Variants in TNR observed in about 807,000 individuals in gnomAD.
The protein encoded by TNR is tenascin R.
A neutral mutation model predicts 150.4 loss-of-function variants in TNR; 45 were observed. That is an observed-to-expected ratio of 0.30 (90% CI 0.24 to 0.38). TNR has a LOEUF of 0.38. TNR is among the 10% of genes least tolerant of loss of function. The probability of loss-of-function intolerance (pLI) is 1.00; values close to 1 mark genes in which losing one functional copy is unlikely to be tolerated. For missense variants in TNR, 1,544 were observed against 1,759.1 expected, an observed-to-expected ratio of 0.88 and a Z score of 2.19; for synonymous variants, 687 against 678.4, an observed-to-expected ratio of 1.01 and a Z score of -0.20.
At position 175,713,235 on chromosome 1, in the gene TNR, T is replaced by G. The variant is rs144650985; in HGVS notation, c.-165+29991A>C. Reference sequence around the variant, plus strand: ...GTGGTTACACGTAAGAATCAAGTCTTGTAATTCTTTAAGTCCTGTGAGGAC... The same window carrying G: ...GTGGTTACACGTAAGAATCAAGTCTGGTAATTCTTTAAGTCCTGTGAGGAC... On this transcript the variant is annotated intron_variant, in intron 1 of 22. Coordinates refer to ENST00000367674, the MANE Select transcript of TNR (RefSeq NM_003285.3). Among the ~76,000 whole-genome samples, 142 of 152,322 alleles carry G rather than the reference T, an allele frequency of 9.3e-4. 1 individual carries two copies. Among genetic ancestry groups the G allele is most frequent in the African/African-American group, 3.3e-3 (138 of 41,562 alleles).
At chr1:175,586,874 A>G (rs1436735973) in intron 1 of TNR, among the ~76,000 whole-genome samples, 2 of 152,202 alleles carry the variant, frequency 1.3e-5, no homozygotes, top group Non-Finnish European at 1.5e-5. Context: ...AAGAGACCAA[A>G]GTTGTAGGGA....
At chr1:175,649,606 G>A (rs1021800395) in intron 1 of TNR, among the ~76,000 whole-genome samples, 2 of 152,100 alleles carry the variant, frequency 1.3e-5, no homozygotes, top group South Asian at 2.1e-4. Context: ...ACCAGGAGGT[G>A]AGCTTTCCAC....
intron 1 of TNR, among the ~76,000 whole-genome samples, chr1:175,543,955 A>G (rs370488219): frequency 4.5e-4 from 68 of 152,324 alleles, no homozygotes; most frequent in African/African-American, 1.6e-3. Context: ...GTGTGAGTAA[A>G]TACACAGAAA....
chr1:175,348,130 A>G (rs1408058204), intron 18 of TNR, among the ~76,000 whole-genome samples: 1 of 152,210 alleles, frequency 6.6e-6, no homozygotes. Context: ...TAGAAAATAT[A>G]TATTTTTAAG....
chr1:175,353,974 T>A (rs1192464745), intron 18 of TNR, among the ~76,000 whole-genome samples: 1 of 152,000 alleles, frequency 6.6e-6, no homozygotes, highest in Non-Finnish European at 1.5e-5. Flanking sequence ...GCCTCCTGAG[T>A]AGCTGGGATT....
intron 1 of TNR, among the ~76,000 whole-genome samples, chr1:175,549,607 C>T (rs1160366272): frequency 1.3e-5 from 2 of 152,158 alleles, no homozygotes; most frequent in African/African-American, 4.8e-5. Flanking sequence ...CTGTCCTAAT[C>T]GCATGAGAAC....
intron 8 of TNR, 104 bp from the exon 9 acceptor site, chr1:175,379,841 T>G: frequency 7.7e-7 from 1 of 1,301,920 alleles, no homozygotes; most frequent in Non-Finnish European, 1.1e-6. Context: ...CCACACCCCC[T>G]GACCCTCTGG....
At chr1:175,353,988 G>A (rs549164330) in intron 18 of TNR, among the ~76,000 whole-genome samples, 2 of 152,132 alleles carry the variant, frequency 1.3e-5, no homozygotes, top group South Asian at 4.2e-4. Context: ...TGGGATTACA[G>A]GCACACACCA....
At position 175,428,340 on chromosome 1, in the gene TNR, C is replaced by T. The variant is rs554567083; in HGVS notation, c.-63-21563G>A. ...GCTGACCAGCATCTCCTACTCATGG[C>T]GTAAATCTGGTGAGACATGGCTGAG... is the stretch of plus-strand genomic sequence containing the variant. On this transcript the variant is annotated intron_variant, in intron 2 of 22. Transcript: ENST00000367674. Among the ~76,000 whole-genome samples, 7 of 152,214 alleles carry T rather than the reference C, an allele frequency of 4.6e-5. No individual in the cohort carries two copies. The East Asian group carries it at 1.4e-3, about 29-fold the overall frequency.
At chr1:175,477,491 CTGTT>C (rs1259577884) in intron 2 of TNR, among the ~76,000 whole-genome samples, 1 of 152,140 alleles carries the variant, frequency 6.6e-6, no homozygotes, top group South Asian at 2.1e-4. Context: ...AATTTCTTGT[CTGTT>C]TGTATTGTTT....
At chr1:175,664,682 T>C (rs1665477431) in intron 1 of TNR, among the ~76,000 whole-genome samples, 1 of 152,076 alleles carries the variant, frequency 6.6e-6, no homozygotes, top group Non-Finnish European at 1.5e-5. Flanking sequence ...ACAGGAGAGG[T>C]AAAAGATGTC....
At chr1:175,559,119 TACAA>T (rs1661310535) in intron 1 of TNR, among the ~76,000 whole-genome samples, 1 of 152,146 alleles carries the variant, frequency 6.6e-6, no homozygotes, top group Non-Finnish European at 1.5e-5. Flanking sequence ...AATTTCACTA[TACAA>T]ACAAACAAAT....
intron 2 of TNR, among the ~76,000 whole-genome samples, chr1:175,472,064 G>A (rs999313945): frequency 6.6e-6 from 1 of 152,148 alleles, no homozygotes; most frequent in African/African-American, 2.4e-5. Flanking sequence ...CTTGAGCACA[G>A]GAGTTCCAGG....
At chr1:175,630,532 G>A (rs1664293451) in intron 1 of TNR, among the ~76,000 whole-genome samples, 1 of 152,190 alleles carries the variant, frequency 6.6e-6, no homozygotes, top group African/African-American at 2.4e-5. Context: ...GGTTCAGGAT[G>A]TGACTCCACT....
chr1:175,698,248 G>A (rs766003887), intron 1 of TNR, among the ~76,000 whole-genome samples: 3 of 152,226 alleles, frequency 2.0e-5, no homozygotes, highest in African/African-American at 4.8e-5. Flanking sequence ...CAAGTAAGGA[G>A]AATGCACTGA....
At chr1:175,649,686 T>C (rs1664897728) in intron 1 of TNR, among the ~76,000 whole-genome samples, 1 of 152,162 alleles carries the variant, frequency 6.6e-6, no homozygotes, top group African/African-American at 2.4e-5. Context: ...ACTGCCTTCC[T>C]CACACTCCCC....
chr1:175,596,386 A>G (rs1663009061), intron 1 of TNR, among the ~76,000 whole-genome samples: 2 of 152,058 alleles, frequency 1.3e-5, no homozygotes, highest in South Asian at 4.1e-4. Context: ...AGCTGTCATG[A>G]CGTCTGCCCT....
At chr1:175,576,329 G>T (rs1184480338) in intron 1 of TNR, among the ~76,000 whole-genome samples, 1 of 152,192 alleles carries the variant, frequency 6.6e-6, no homozygotes, top group Non-Finnish European at 1.5e-5. Flanking sequence ...TTTGAGCAAG[G>T]TGGGAGGAGA....
chr1:175,634,828 T>C (rs943892571), intron 1 of TNR, among the ~76,000 whole-genome samples: 2 of 152,206 alleles, frequency 1.3e-5, no homozygotes, highest in Admixed American at 6.5e-5. Flanking sequence ...TGTCTTTTCA[T>C]AGCACATTAT....
Sources: allele counts gnomAD v4.1 joint callset (sites outside exome capture counted in the v4.1 genomes callset), GRCh38; gene constraint gnomAD v4.1.1; transcripts MANE v1.5; gene names NCBI Gene and HGNC (gene_info 2026-07-23, HGNC 2026-07-21).